PPP2R3A: variants seen among roughly 807,000 people sequenced by gnomAD.
The protein encoded by PPP2R3A is serine/threonine-protein phosphatase 2A regulatory subunit B'' subunit alpha.
In PPP2R3A, 80 loss-of-function variants were observed where a neutral mutation model predicts 106.9. The ratio of observed to expected loss-of-function variants is 0.75; its 90% CI spans 0.62 to 0.90. The LOEUF (loss-of-function observed/expected upper bound fraction) is 0.90. Among genes scored for constraint, PPP2R3A ranks in the 40% least tolerant of loss-of-function variants. The probability of loss-of-function intolerance (pLI) is 0.00; values close to 1 mark genes in which losing one functional copy is unlikely to be tolerated. For synonymous variants in PPP2R3A, 483 were observed against 468.3 expected (o/e 1.03, Z -0.41); for missense variants, 1,386 against 1,350.4 (o/e 1.03, Z -0.41).
intron 5 of PPP2R3A, among the ~76,000 whole-genome samples, chr3:136,066,073 G>A (rs538419145): frequency 6.6e-6 from 1 of 152,196 alleles, no homozygotes; most frequent in African/African-American, 2.4e-5. Context: ...AAAATACATA[G>A]GACCCAAATT....
rs761223610 is a variant in PPP2R3A, at chr3:136,001,459, T to A, written c.-40T>A. 3.9e-6 allele frequency: 6 copies of A among 1,525,426 alleles called. No homozygotes were observed. In the African/African-American group the frequency reaches 6.9e-5, roughly 18 times the overall value. 94.5% of individuals were successfully genotyped at this position (1,525,426 alleles called of 1,614,324 possible). On this transcript the variant is annotated 5_prime_UTR_variant, in exon 2 of 14. Coordinates refer to ENST00000264977, the MANE Select transcript of PPP2R3A (RefSeq NM_002718.5). ...AGGAGAATTTTCATGAAACAAGTTC[T>A]AGAAAGTTCCAAGTCCCACCAGTAA...
At chr3:136,021,764 G>A (rs1052195579) in intron 2 of PPP2R3A, among the ~76,000 whole-genome samples, 9 of 151,918 alleles carry the variant, frequency 5.9e-5, no homozygotes, top group Non-Finnish European at 8.8e-5. Flanking sequence ...GAAAATATTT[G>A]GGGAAAAAAG....
chr3:136,047,299 C>A (rs1194139346), intron 4 of PPP2R3A, among the ~76,000 whole-genome samples: 1 of 152,136 alleles, frequency 6.6e-6, no homozygotes, highest in Non-Finnish European at 1.5e-5. Flanking sequence ...TGGGTATATA[C>A]CCAAAGAAAA....
chr3:135,980,292 C>T (rs1937523179), intron 1 of PPP2R3A, among the ~76,000 whole-genome samples: 1 of 151,720 alleles, frequency 6.6e-6, no homozygotes, highest in Admixed American at 6.6e-5. Flanking sequence ...CCCCATCTTG[C>T]CTGTGAACAA....
chr3:136,055,099 A>G (rs960834951), intron 5 of PPP2R3A: 10 of 504,430 alleles, frequency 2.0e-5, no homozygotes, highest in Non-Finnish European at 3.0e-5. Flanking sequence ...AACTTCAAGA[A>G]TTTTGACTTT....
At chr3:136,012,684 T>A (rs1387544463) in intron 2 of PPP2R3A, among the ~76,000 whole-genome samples, 1 of 152,162 alleles carries the variant, frequency 6.6e-6, no homozygotes, top group African/African-American at 2.4e-5. Context: ...GGTTATGAAA[T>A]CTAGTATTAA....
intron 12 of PPP2R3A, among the ~76,000 whole-genome samples, chr3:136,105,207 C>A (rs534973197): frequency 6.6e-6 from 1 of 152,242 alleles, no homozygotes; most frequent in African/African-American, 2.4e-5. Context: ...AATTTGCCAG[C>A]GAATGGGGGC....
At chr3:136,058,164 A>G (rs909309025) in intron 5 of PPP2R3A, among the ~76,000 whole-genome samples, 3 of 152,198 alleles carry the variant, frequency 2.0e-5, no homozygotes, top group African/African-American at 7.2e-5. Flanking sequence ...CTACAATGGT[A>G]TTGGAAGTTC....
At chr3:136,114,687 C>T (rs539727585) in intron 13 of PPP2R3A, among the ~76,000 whole-genome samples, 2 of 152,306 alleles carry the variant, frequency 1.3e-5, no homozygotes, top group South Asian at 2.1e-4. Context: ...AGTGGGAGCG[C>T]ACCGCAGCTC....
chr3:135,985,434 C>G (rs1937600456), intron 1 of PPP2R3A, among the ~76,000 whole-genome samples: 1 of 151,562 alleles, frequency 6.6e-6, no homozygotes, highest in South Asian at 2.1e-4. Context: ...CTCTCTCTCC[C>G]TCTCTCTCAC....
intron 2 of PPP2R3A, among the ~76,000 whole-genome samples, chr3:136,018,054 C>T (rs2107810413): frequency 6.6e-6 from 1 of 152,284 alleles, no homozygotes; most frequent in East Asian, 1.9e-4. Context: ...ATTGCTTGAG[C>T]CCAGGAGTTC....
At chr3:136,125,532 T>C (rs2108007410) in intron 13 of PPP2R3A, among the ~76,000 whole-genome samples, 1 of 152,134 alleles carries the variant, frequency 6.6e-6, no homozygotes, top group African/African-American at 2.4e-5. Context: ...GTATTGAATA[T>C]CACAAAGAAT....
intron 13 of PPP2R3A, among the ~76,000 whole-genome samples, chr3:136,139,466 G>A (rs190437726): frequency 2.0e-5 from 3 of 151,842 alleles, no homozygotes; most frequent in Middle Eastern, 3.2e-3. Flanking sequence ...GAGGCCGAGG[G>A]GGGGGATCAT....
chr3:136,087,327 A>G (rs895197394), intron 8 of PPP2R3A: 2 of 138,906 alleles, frequency 1.4e-5, no homozygotes, highest in Non-Finnish European at 3.0e-5. Flanking sequence ...AGCCACGATT[A>G]TCTATGTGAA....
At chr3:136,074,950 CAA>C (rs967229896) in intron 6 of PPP2R3A, among the ~76,000 whole-genome samples, 2 of 152,130 alleles carry the variant, frequency 1.3e-5, no homozygotes, top group African/African-American at 4.8e-5. Context: ...CCATGTTAAC[CAA>C]AGAGTGAATT....
rs747811648 is a variant in PPP2R3A, at chr3:136,138,695, A to ATTTTTTT, written c.3330-6319_3330-6313dup. On this transcript the variant is annotated intron_variant, in intron 13 of 13. Coordinates refer to ENST00000264977, the MANE Select transcript of PPP2R3A (RefSeq NM_002718.5). The stretch of plus-strand genomic sequence containing the variant: ...AGACTCCAAACTAGAGAAATATTGA[A>ATTTTTTT]TTTTTTTTTTTTTTTTTTTTTTTTT... Among the ~76,000 whole-genome samples, 347 of 50,632 alleles carry ATTTTTTT rather than the reference A, an allele frequency of 6.9e-3. 62 individuals carry two copies. The highest frequency in any genetic ancestry group is 0.015 in the East Asian group (14 of 928). 33.2% of individuals were successfully genotyped at this position (50,632 alleles called of 152,430 possible). A position where few individuals can be genotyped will look rare whatever the true frequency, so the allele number is the denominator to read the frequency against.
intron 2 of PPP2R3A, among the ~76,000 whole-genome samples, chr3:136,007,001 A>G (rs1285065926): frequency 6.6e-6 from 1 of 152,208 alleles, no homozygotes; most frequent in Non-Finnish European, 1.5e-5. Flanking sequence ...TTCAGGTGGT[A>G]ACCTTTTCCC....
At chr3:136,019,143 A>G (rs1264442873) in intron 2 of PPP2R3A, among the ~76,000 whole-genome samples, 1 of 152,212 alleles carries the variant, frequency 6.6e-6, no homozygotes, top group African/African-American at 2.4e-5. Context: ...CAGGCCAAGA[A>G]GAGATGCAGG....
At chr3:136,058,913 A>G (rs190720131) in intron 5 of PPP2R3A, among the ~76,000 whole-genome samples, 38 of 152,330 alleles carry the variant, frequency 2.5e-4, no homozygotes, top group Non-Finnish European at 5.0e-4. Flanking sequence ...TATTCAATAA[A>G]TGGTGCTGGG....
Sources: allele counts gnomAD v4.1 joint callset (sites outside exome capture counted in the v4.1 genomes callset), GRCh38; gene constraint gnomAD v4.1.1; transcripts MANE v1.5; gene names NCBI Gene and HGNC (gene_info 2026-07-23, HGNC 2026-07-21).